The following MGAT4C variants were observed in gnomAD, a reference collection of about 807,000 sequenced individuals.
MGAT4C encodes the protein MGAT4 family member C.
In MGAT4C, 19 loss-of-function variants were observed where a neutral mutation model predicts 40.1. The ratio of observed to expected loss-of-function variants is 0.47; its 90% CI spans 0.33 to 0.70. The LOEUF is 0.70. MGAT4C is among the 30% of genes least tolerant of loss of function. The probability of loss-of-function intolerance (pLI) is 0.02; values close to 1 mark genes in which losing one functional copy is unlikely to be tolerated. For synonymous variants in MGAT4C, 181 were observed against 187.1 expected, an observed-to-expected ratio of 0.97 and a Z score of 0.27; for missense variants, 491 against 563.2, an observed-to-expected ratio of 0.87 and a Z score of 1.30.
chr12:86,754,344 G>A (rs1951267843), intron 1 of MGAT4C, among the ~76,000 whole-genome samples: 1 of 152,014 alleles, frequency 6.6e-6, no homozygotes, highest in African/African-American at 2.4e-5. Flanking sequence ...GTGAAGGGAG[G>A]GAAGGATTGC....
chr12:86,462,867 T>A (rs1285083784), intron 2 of MGAT4C, among the ~76,000 whole-genome samples: 2 of 152,178 alleles, frequency 1.3e-5, no homozygotes, highest in Non-Finnish European at 2.9e-5. Flanking sequence ...TTACACGGTG[T>A]CCACCCATGT....
At chr12:86,457,850 GT>G (rs923903445) in intron 2 of MGAT4C, among the ~76,000 whole-genome samples, 1 of 151,618 alleles carries the variant, frequency 6.6e-6, no homozygotes, top group Admixed American at 6.6e-5. Flanking sequence ...AAAATCACAA[GT>G]TTTTTTTCTT....
chr12:86,079,750 T>A (rs1870471209), intron 1 of MGAT4C, among the ~76,000 whole-genome samples: 1 of 151,308 alleles, frequency 6.6e-6, no homozygotes, highest in Non-Finnish European at 1.5e-5. Flanking sequence ...TATAAGTGTG[T>A]AAAAATAATA....
intron 1 of MGAT4C, among the ~76,000 whole-genome samples, chr12:86,799,745 G>A (rs1473075678): frequency 6.6e-6 from 1 of 151,672 alleles, no homozygotes; most frequent in African/African-American, 2.4e-5. Flanking sequence ...TGTGGATTGC[G>A]GGTAGTGTTA....
At chr12:86,678,764 A>C (rs1949917026) in intron 2 of MGAT4C, among the ~76,000 whole-genome samples, 1 of 151,912 alleles carries the variant, frequency 6.6e-6, no homozygotes, top group Non-Finnish European at 1.5e-5. Context: ...TGAACTCATC[A>C]TTTTTTATGG....
At chr12:86,793,537 A>T (rs1487370356) in intron 1 of MGAT4C, among the ~76,000 whole-genome samples, 1 of 152,040 alleles carries the variant, frequency 6.6e-6, no homozygotes, top group Admixed American at 6.6e-5. Context: ...GCCAGATAAA[A>T]CCTAGATGAT....
At chr12:86,816,403 T>A in intron 1 of MGAT4C, among the ~76,000 whole-genome samples, 1 of 151,888 alleles carries the variant, frequency 6.6e-6, no homozygotes, top group East Asian at 1.9e-4. Flanking sequence ...ATATATTTTA[T>A]CAGAATATTT....
intron 1 of MGAT4C, among the ~76,000 whole-genome samples, chr12:86,076,074 T>C (rs970720609): frequency 6.6e-6 from 1 of 152,322 alleles, no homozygotes; most frequent in Non-Finnish European, 1.5e-5. Flanking sequence ...CTTTTAAAAC[T>C]GAATGCCTTT....
chr12:86,458,813 T>C (rs1014559225), intron 2 of MGAT4C, among the ~76,000 whole-genome samples: 5 of 152,196 alleles, frequency 3.3e-5, no homozygotes, highest in African/African-American at 1.2e-4. Flanking sequence ...TATTATAATG[T>C]ATACTATACT....
chr12:86,096,098 C>G (rs1467275148), intron 1 of MGAT4C, among the ~76,000 whole-genome samples: 1 of 151,584 alleles, frequency 6.6e-6, no homozygotes, highest in Non-Finnish European at 1.5e-5. Context: ...ATATATTACT[C>G]CATTGTTTCT....
intron 1 of MGAT4C, among the ~76,000 whole-genome samples, chr12:86,136,721 T>C (rs541407512): frequency 1.3e-5 from 2 of 152,230 alleles, no homozygotes; most frequent in African/African-American, 4.8e-5. Context: ...GGAGTTTTGC[T>C]CTTGTCATCC....
intron 2 of MGAT4C, among the ~76,000 whole-genome samples, chr12:86,629,197 G>A (rs911316904): frequency 1.3e-5 from 2 of 152,156 alleles, no homozygotes; most frequent in African/African-American, 4.8e-5. Flanking sequence ...TCAACAAGAA[G>A]AGCTAACTGT....
At chr12:86,820,277 G>A (rs1198890246) in intron 1 of MGAT4C, among the ~76,000 whole-genome samples, 1 of 150,624 alleles carries the variant, frequency 6.6e-6, no homozygotes, top group African/African-American at 2.4e-5. Flanking sequence ...TTTCTTACTT[G>A]TTGTATATGT....
At chr12:86,112,838 A>G (rs1405947778) in intron 1 of MGAT4C, among the ~76,000 whole-genome samples, 1 of 151,760 alleles carries the variant, frequency 6.6e-6, no homozygotes, top group Admixed American at 6.6e-5. Flanking sequence ...CAAAGCTTAT[A>G]TTGGGGAGCA....
intron 4 of MGAT4C, among the ~76,000 whole-genome samples, chr12:86,315,020 A>C (rs1352144864): frequency 6.6e-6 from 1 of 151,988 alleles, no homozygotes; most frequent in African/African-American, 2.4e-5. Flanking sequence ...TAGAACTGAA[A>C]AAAAACAAGC....
chr12:86,190,509 T>C (rs917146001), intron 1 of MGAT4C, among the ~76,000 whole-genome samples: 3 of 152,082 alleles, frequency 2.0e-5, no homozygotes, highest in Non-Finnish European at 4.4e-5. Flanking sequence ...ATCTCTGGAG[T>C]TGTTATCAGT....
chr12:86,653,832 A>T (rs1367293212), intron 2 of MGAT4C, among the ~76,000 whole-genome samples: 1 of 151,968 alleles, frequency 6.6e-6, no homozygotes, highest in Non-Finnish European at 1.5e-5. Flanking sequence ...AATATGTAGT[A>T]TTAAATAAAA....
At chr12:86,690,852 T>G (rs1407793922) in intron 2 of MGAT4C, among the ~76,000 whole-genome samples, 1 of 152,208 alleles carries the variant, frequency 6.6e-6, no homozygotes, top group African/African-American at 2.4e-5. Flanking sequence ...CGTCATCTTA[T>G]GTAGTGCAAT....
intron 1 of MGAT4C, among the ~76,000 whole-genome samples, chr12:86,781,104 T>C (rs1252849731): frequency 6.6e-6 from 1 of 152,034 alleles, no homozygotes; most frequent in Non-Finnish European, 1.5e-5. Context: ...CATATAATAG[T>C]GCTGCAATAA....
Sources: allele counts gnomAD v4.1 joint callset (sites outside exome capture counted in the v4.1 genomes callset), GRCh38; gene constraint gnomAD v4.1.1; transcripts MANE v1.5; gene names NCBI Gene and HGNC (gene_info 2026-07-23, HGNC 2026-07-21).